KIF5A: variants seen among roughly 807,000 people sequenced by gnomAD.
KIF5A encodes kinesin family member 5A.
Under a neutral mutation model 141.3 loss-of-function variants are expected in KIF5A, and 35 were observed. The observed-to-expected ratio is 0.25, with a 90% CI of 0.19 to 0.33. The LOEUF is 0.33. KIF5A is among the 10% of genes least tolerant of loss of function. The pLI, the probability that KIF5A is intolerant of heterozygous loss-of-function variation, is 1.00. For synonymous variants in KIF5A, 448 were observed against 500.2 expected (o/e 0.90, Z 1.39); for missense variants, 861 against 1,314.3 (o/e 0.66, Z 5.33).
At position 57,583,134 on chromosome 12, in the gene KIF5A, C is replaced by G. The variant is rs1882657285; in HGVS notation, c.3054C>G (p.Asp1018Glu). 2 of 1,614,022 alleles carry G rather than the reference C, an allele frequency of 1.2e-6. No individual in the cohort carries two copies. The highest frequency in any genetic ancestry group is 8.5e-7 in the Non-Finnish European group (1 of 1,179,988). The part of the protein sequence containing the change: ...SDLPCGYEAE[D>E]QAKLFPLHQE... ...TGCCGTGTGGCTATGAGGCTGAGGA[C>G]CAGGCCAAGCTTTTCCCTCTCCACC... Residue 1018 changes from aspartate to glutamate, a missense_variant, in exon 28 of 29, where the codon GAC becomes GAG. Physicochemically the swap from Asp to Glu is conservative, Grantham distance 45. This residue lies in a region of KIF5A where 482 missense variants were observed against 661.3 expected (regional missense o/e 0.73). Transcript: ENST00000455537.
intron 1 of KIF5A, among the ~76,000 whole-genome samples, chr12:57,556,052 C>A (rs1881730867): frequency 6.6e-6 from 1 of 152,038 alleles, no homozygotes; most frequent in South Asian, 2.1e-4. Flanking sequence ...AGGTAGCAGG[C>A]CTTCCCAGAA....
chr12:57,570,949 C>A (rs1316500134), intron 12 of KIF5A, among the ~76,000 whole-genome samples: 1 of 146,756 alleles, frequency 6.8e-6, no homozygotes, highest in Admixed American at 7.0e-5. Context: ...CACACCACCA[C>A]GCCCAGCTAA....
In KIF5A at chr12:57,563,348, T is replaced by C. The variant is rs948761269; in HGVS notation, c.130-91T>C. On this transcript the variant is annotated intron_variant, in intron 1 of 28. Coordinates refer to ENST00000455537, the MANE Select transcript of KIF5A (RefSeq NM_004984.4). ...TCATTAAGGGCATTGAAGAAAAGGGTGCCTTTCTCAGCTGCTGGAAGGAGG... is the reference window on the plus strand; with the variant it reads ...TCATTAAGGGCATTGAAGAAAAGGGCGCCTTTCTCAGCTGCTGGAAGGAGG... 1.1e-5 allele frequency: 10 copies of C among 898,798 alleles called. No homozygotes were observed. In the African/African-American group the frequency reaches 1.3e-4, roughly 12 times the overall value. 55.7% of individuals were successfully genotyped at this position (898,798 alleles called of 1,614,324 possible).
At position 57,563,391 on chromosome 12, in the gene KIF5A, C is replaced by T. The variant is rs377214209; in HGVS notation, c.130-48C>T. 14 of 1,356,386 alleles carry T rather than the reference C, an allele frequency of 1.0e-5. No homozygotes were observed. In the African/African-American group the frequency reaches 1.7e-4, roughly 17 times the overall value. The allele number at this position is 1,356,386 out of a possible 1,614,324, so 84.0% of individuals were successfully genotyped here. ...GAAGGAGGTTGTGGTATTTCTTTTC[C>T]CTCACATCCTGCCTGTTGACGTCTG... On this transcript the variant is annotated intron_variant, in intron 1 of 28. Coordinates refer to ENST00000455537, the MANE Select transcript of KIF5A (RefSeq NM_004984.4).
intron 1 of KIF5A, among the ~76,000 whole-genome samples, chr12:57,559,597 A>C (rs1881850390): frequency 1.3e-5 from 2 of 152,196 alleles, no homozygotes. Flanking sequence ...GATAAATTTT[A>C]TGACATATGT....
At chr12:57,570,217 G>A (rs1882209833) in intron 12 of KIF5A, 55 bp downstream of exon 12, 25 of 1,556,460 alleles carry the variant, frequency 1.6e-5, no homozygotes, top group South Asian at 7.9e-5. Context: ...AGAGGTAGAC[G>A]ATCAAAGAAA....
At position 57,576,068 on chromosome 12, in the gene KIF5A, C is replaced by G. The variant is rs1224132798; in HGVS notation, c.2024-19C>G. 1 of 1,613,108 alleles carries G rather than the reference C, an allele frequency of 6.2e-7. No homozygotes were observed. The highest frequency in any genetic ancestry group is 1.7e-5 in the Admixed American group (1 of 60,014). ...AAGAGGTAGGTTTGATGTCAGCTGT[C>G]TTCCCCTCTTTCCCTTAGAAACTGT... On this transcript the variant is annotated intron_variant, in intron 17 of 28. Transcript: ENST00000455537.
chr12:57,580,856 TTTA>T, intron 23 of KIF5A, 97 bp from the exon 24 acceptor site: 1 of 1,086,582 alleles, frequency 9.2e-7, no homozygotes, highest in South Asian at 1.3e-5. Flanking sequence ...CTGATTTTTC[TTTA>T]TTCTCTCTCC....
intron 8 of KIF5A, among the ~76,000 whole-genome samples, chr12:57,568,438 T>A (rs2140162196): frequency 6.6e-6 from 1 of 152,140 alleles, no homozygotes; most frequent in African/African-American, 2.4e-5. Context: ...ATAAATGGAA[T>A]CATATGGCTG....
chr12:57,573,594 A>T (rs1882323344), intron 15 of KIF5A, among the ~76,000 whole-genome samples: 1 of 151,194 alleles, frequency 6.6e-6, no homozygotes, highest in Non-Finnish European at 1.5e-5. Flanking sequence ...CTTTGGGAGG[A>T]CGAGGCGGGT....
chr12:57,558,056 A>T (rs1428820737), intron 1 of KIF5A, among the ~76,000 whole-genome samples: 1 of 152,202 alleles, frequency 6.6e-6, no homozygotes, highest in Admixed American at 6.5e-5. Context: ...ACATATATAC[A>T]TGCATACCTT....
At chr12:57,566,093 G>T (rs959354258) in intron 6 of KIF5A, among the ~76,000 whole-genome samples, 3 of 150,742 alleles carry the variant, frequency 2.0e-5, no homozygotes, top group African/African-American at 4.9e-5. Context: ...AGAGACAGTG[G>T]TTTTTTTTGT....
chr12:57,569,778 A>G (rs966045708), intron 11 of KIF5A, 95 bp downstream of exon 11: 18 of 1,555,252 alleles, frequency 1.2e-5, no homozygotes, highest in South Asian at 6.1e-5. Context: ...GGCCAGGCCA[A>G]TCTCCTAGAA....
At chr12:57,557,825 A>AGGATTATAGGCAT (rs1881791964) in intron 1 of KIF5A, among the ~76,000 whole-genome samples, 1 of 151,840 alleles carries the variant, frequency 6.6e-6, no homozygotes, top group African/African-American at 2.4e-5. Context: ...CTGAGTAGCT[A>AGGATTATAGGCAT]GGATTATAGG....
chr12:57,573,074 C>T (rs1454402684), intron 15 of KIF5A, among the ~76,000 whole-genome samples: 2 of 152,188 alleles, frequency 1.3e-5, no homozygotes, highest in African/African-American at 2.4e-5. Context: ...ACCTGTAATT[C>T]CAGCTACTCA....
At chr12:57,578,701 G>C (rs1165382544) in intron 23 of KIF5A, among the ~76,000 whole-genome samples, 2 of 152,172 alleles carry the variant, frequency 1.3e-5, no homozygotes, top group East Asian at 1.9e-4. Context: ...GAAGAAGCAA[G>C]GGAGTTGGGC....
At chr12:57,569,163 T>G in intron 9 of KIF5A, 93 bp from the exon 10 acceptor site, 1 of 1,567,102 alleles carries the variant, frequency 6.4e-7, no homozygotes, top group Non-Finnish European at 8.8e-7. Flanking sequence ...AATTCATGGG[T>G]TGTCTGATCC....
chr12:57,572,797 C>T lies in KIF5A; in HGVS notation c.1716+71C>T. 1 of 1,567,360 alleles carries T rather than the reference C, an allele frequency of 6.4e-7. No individual in the cohort carries two copies. The highest frequency in any genetic ancestry group is 8.8e-7 in the Non-Finnish European group (1 of 1,137,736). On this transcript the variant is annotated intron_variant, in intron 15 of 28. Coordinates refer to ENST00000455537, the MANE Select transcript of KIF5A (RefSeq NM_004984.4). This position sits in a 1 kb window ranked among gnomAD's most constrained non-coding sequence, Gnocchi z 4.2. Reference sequence around the variant, plus strand: ...GAAGACGCAAGATGAGCCATCCAGGCCTTCACAGATACTGAGAAAGGCAGC... The same window carrying T: ...GAAGACGCAAGATGAGCCATCCAGGTCTTCACAGATACTGAGAAAGGCAGC...
intron 1 of KIF5A, among the ~76,000 whole-genome samples, chr12:57,551,151 G>A (rs1202669445): frequency 6.6e-6 from 1 of 152,008 alleles, no homozygotes; most frequent in Non-Finnish European, 1.5e-5. Flanking sequence ...TTCTCTTGAG[G>A]ATCCAATAGA....
Sources: gnomAD v4.1 joint callset for allele counts (sites outside exome capture counted in the v4.1 genomes callset) on GRCh38, gnomAD v4.1.1 for gene constraint, gnomAD v4.1.1 regional missense constraint, Gnocchi (gnomAD v3.1) non-coding constraint, MANE v1.5 for transcripts, NCBI Gene and HGNC (gene_info 2026-07-23, HGNC 2026-07-21) for gene names.